ADAMTSL1: variants seen among roughly 807,000 people sequenced by gnomAD.
ADAMTSL1 encodes the protein ADAMTS-like protein 1.
A neutral mutation model predicts 201.8 loss-of-function variants in ADAMTSL1; 126 were observed. That is an observed-to-expected ratio of 0.62 (90% confidence interval 0.54 to 0.72). The LOEUF is 0.72. Among genes scored for constraint, ADAMTSL1 ranks in the 30% least tolerant of loss-of-function variants. The probability of loss-of-function intolerance (pLI) is 0.00; values close to 1 mark genes in which losing one functional copy is unlikely to be tolerated. For missense variants in ADAMTSL1, 2,679 were observed against 2,277.8 expected (o/e 1.18, Z -3.59); for synonymous variants, 1,121 against 903.4 (o/e 1.24, Z -4.32).
At chr9:18,856,888 G>GT (rs1826889924) in intron 23 of ADAMTSL1, among the ~76,000 whole-genome samples, 1 of 152,156 alleles carries the variant, frequency 6.6e-6, no homozygotes, top group Admixed American at 6.5e-5. Context: ...GCAAAAGCTG[G>GT]TTGGAGAAAG....
chr9:18,312,425 T>G (rs774515657), intron 2 of ADAMTSL1, among the ~76,000 whole-genome samples: 1 of 152,102 alleles, frequency 6.6e-6, no homozygotes, highest in Non-Finnish European at 1.5e-5. Context: ...AGGAGAAAAA[T>G]TAAAATGAGA....
intron 1 of ADAMTSL1, among the ~76,000 whole-genome samples, chr9:18,495,062 G>GAC (rs1423989522): frequency 6.6e-6 from 1 of 152,176 alleles, no homozygotes; most frequent in Non-Finnish European, 1.5e-5. Context: ...AGTAAGATTG[G>GAC]ACGGGGTGAG....
chr9:18,144,398 G>T (rs1411326926), intron 1 of ADAMTSL1, among the ~76,000 whole-genome samples: 4 of 151,868 alleles, frequency 2.6e-5, no homozygotes. Context: ...TAGAGACAGG[G>T]TTTCACCTTG....
chr9:18,533,229 T>G lies in ADAMTSL1; in HGVS notation c.192-18T>G. 1.2e-6 allele frequency: 2 copies of G among 1,600,974 alleles called. No homozygotes were observed. Among genetic ancestry groups the G allele is most frequent in the Non-Finnish European group, 8.5e-7 (1 of 1,174,886 alleles). ...TTTTCATAAGTAGTAATATTTCTTT[T>G]TTCTTTTTGCAACTTAGGAGCTGTG... On this transcript the variant is annotated intron_variant, in intron 2 of 28. Transcript: ENST00000380548.
intron 2 of ADAMTSL1, among the ~76,000 whole-genome samples, chr9:18,254,385 T>C (rs1410278011): frequency 1.1e-4 from 12 of 109,146 alleles, no homozygotes; most frequent in African/African-American, 3.2e-4. Context: ...TTTTTTGAGA[T>C]GGAATCTCGC....
intron 1 of ADAMTSL1, among the ~76,000 whole-genome samples, chr9:17,913,288 A>G (rs1024560988): frequency 4.6e-5 from 7 of 151,906 alleles, no homozygotes; most frequent in South Asian, 2.1e-4. Flanking sequence ...ACCTTGGGCA[A>G]TATGGCCATT....
intron 1 of ADAMTSL1, among the ~76,000 whole-genome samples, chr9:18,003,160 C>T (rs750524494): frequency 2.0e-5 from 3 of 151,994 alleles, no homozygotes; most frequent in Non-Finnish European, 2.9e-5. Flanking sequence ...AGCCTCTAGA[C>T]CACTAGCTTC....
intron 7 of ADAMTSL1, among the ~76,000 whole-genome samples, chr9:18,646,409 A>G (rs1272963846): frequency 6.6e-6 from 1 of 151,974 alleles, no homozygotes; most frequent in Non-Finnish European, 1.5e-5. Flanking sequence ...TGCCCTGGCC[A>G]GAACTTCCAG....
At position 18,163,758 on chromosome 9, in the gene ADAMTSL1, A is replaced by AT. The variant is rs549689365; in HGVS notation, c.88-103dup. ...GCGTGCATTGTTTTTGATTGCTCTA[A>AT]TCAGCCTTGAAATGAATCCAAGAGC... On this transcript the variant is annotated intron_variant, in intron 1 of 29. Coordinates refer to the ADAMTSL1 transcript ENST00000680146. The AT allele has an allele frequency of 1.1e-4, 17 of 148,748 alleles. No individual in the cohort carries two copies. The East Asian group carries it at 3.3e-3, about 28-fold the overall frequency. 9.2% of individuals were successfully genotyped at this position (148,748 alleles called of 1,614,324 possible).
At chr9:18,411,648 C>G (rs770745877) in intron 2 of ADAMTSL1, among the ~76,000 whole-genome samples, 3 of 152,166 alleles carry the variant, frequency 2.0e-5, no homozygotes, top group Non-Finnish European at 4.4e-5. Flanking sequence ...TGTTATCACC[C>G]AGCCTTAAAA....
At chr9:18,828,660 T>TATA (rs1554643932) in intron 22 of ADAMTSL1, among the ~76,000 whole-genome samples, 18 of 28,524 alleles carry the variant, frequency 6.3e-4, no homozygotes, top group Admixed American at 8.8e-4. Flanking sequence ...GAAAGTATAT[T>TATA]TATATATATA....
rs140393235 is a variant in ADAMTSL1, at chr9:18,838,065, A to C, written c.4249+8088A>C. Among the ~76,000 whole-genome samples, 362 of 152,168 alleles carry C rather than the reference A, an allele frequency of 2.4e-3. 2 individuals are homozygous for C. Among genetic ancestry groups the C allele is most frequent in the African/African-American group, 8.3e-3 (344 of 41,528 alleles). On this transcript the variant is annotated intron_variant, in intron 23 of 28. Coordinates refer to ENST00000380548, the MANE Select transcript of ADAMTSL1 (RefSeq NM_001040272.6). ...CGAGACTGGGAAGAAGAAGAGGTTT[A>C]ATGGACTTACAGTTCCACATGGCTG... is the stretch of plus-strand genomic sequence containing the variant.
chr9:18,838,402 C>CACACACACAA (rs754001590), intron 23 of ADAMTSL1, among the ~76,000 whole-genome samples: 3,952 of 125,468 alleles, frequency 0.031, 293 homozygotes, highest in East Asian at 0.064. Flanking sequence ...CACACACACA[C>CACACACACAA]GCAAAAACCT....
chr9:18,531,204 T>G (rs1368720421), intron 2 of ADAMTSL1, among the ~76,000 whole-genome samples: 1 of 152,188 alleles, frequency 6.6e-6, no homozygotes, highest in Non-Finnish European at 1.5e-5. Context: ...ACCAGAGTAC[T>G]CATGTCAGCA....
At chr9:18,576,886 T>G (rs548975305) in intron 4 of ADAMTSL1, among the ~76,000 whole-genome samples, 3 of 152,200 alleles carry the variant, frequency 2.0e-5, no homozygotes, top group African/African-American at 7.2e-5. Context: ...ATTTCACAGA[T>G]GAGGAAACTG....
At chr9:18,176,652 C>A (rs565274511) in intron 2 of ADAMTSL1, among the ~76,000 whole-genome samples, 1 of 152,240 alleles carries the variant, frequency 6.6e-6, no homozygotes, top group Non-Finnish European at 1.5e-5. Flanking sequence ...TACAGGAATT[C>A]AACTTAACAA....
intron 14 of ADAMTSL1, among the ~76,000 whole-genome samples, chr9:18,709,186 G>A (rs928439347): frequency 6.6e-6 from 1 of 152,084 alleles, no homozygotes. Context: ...ATTCCAAAGT[G>A]ATGAAAATAT....
At chr9:18,516,098 A>AAAAG (rs1554693570) in intron 2 of ADAMTSL1, among the ~76,000 whole-genome samples, 35 of 151,674 alleles carry the variant, frequency 2.3e-4, no homozygotes, top group Non-Finnish European at 4.3e-4. Flanking sequence ...AAAAAAAAAA[A>AAAAG]AAAGAAAGAA....
At chr9:18,225,829 G>C (rs1830416445) in intron 2 of ADAMTSL1, among the ~76,000 whole-genome samples, 1 of 151,978 alleles carries the variant, frequency 6.6e-6, no homozygotes, top group African/African-American at 2.4e-5. Context: ...TAAAATTCCT[G>C]CATACTTATC....
Sources: allele counts gnomAD v4.1 joint callset (sites outside exome capture counted in the v4.1 genomes callset), GRCh38; gene constraint gnomAD v4.1.1; transcripts MANE v1.5; gene names NCBI Gene and HGNC (gene_info 2026-07-23, HGNC 2026-07-21).